The following MTHFD2L variants were observed in gnomAD, a reference collection of about 807,000 sequenced individuals.
MTHFD2L encodes the protein bifunctional methylenetetrahydrofolate dehydrogenase/cyclohydrolase 2, mitochondrial.
MTHFD2L carries 29 observed loss-of-function variants against 34.9 expected under a neutral mutation model. The ratio of observed to expected loss-of-function variants is 0.83; its 90% CI spans 0.62 to 1.13. The LOEUF is 1.13. Among genes scored for constraint, MTHFD2L ranks in the 50% most tolerant of loss-of-function variants. The probability of loss-of-function intolerance (pLI) is 0.00; values close to 1 mark genes in which losing one functional copy is unlikely to be tolerated. For synonymous variants in MTHFD2L, 167 were observed against 155.7 expected (o/e 1.07, Z -0.54); for missense variants, 481 against 446.5 (o/e 1.08, Z -0.70).
intron 3 of MTHFD2L, among the ~76,000 whole-genome samples, chr4:74,198,551 G>A (rs542308270): frequency 9.9e-5 from 15 of 152,156 alleles, no homozygotes; most frequent in East Asian, 7.7e-4. Context: ...AAGCTTCCGC[G>A]TGAGTGGTAG....
intron 6 of MTHFD2L, among the ~76,000 whole-genome samples, chr4:74,256,906 T>G (rs532598999): frequency 1.3e-5 from 2 of 152,332 alleles, no homozygotes; most frequent in South Asian, 4.1e-4. Context: ...GCTTCCAGCT[T>G]TGTTCTTTTT....
intron 3 of MTHFD2L, chr4:74,195,963 T>C (rs1451755552): frequency 6.6e-6 from 1 of 152,206 alleles, no homozygotes; most frequent in Non-Finnish European, 1.5e-5. Flanking sequence ...GGAGGCAGAT[T>C]TGCTCTGAGC....
At chr4:74,284,947 C>T (rs1440246486) in intron 7 of MTHFD2L, among the ~76,000 whole-genome samples, 1 of 152,076 alleles carries the variant, frequency 6.6e-6, no homozygotes. Context: ...ACCCAAATGT[C>T]CATCAATGTT....
chr4:74,246,796 C>T (rs142502413), intron 6 of MTHFD2L, among the ~76,000 whole-genome samples: 3,131 of 152,098 alleles, frequency 0.021, 91 homozygotes, highest in African/African-American at 0.07. Context: ...AGTAGATATG[C>T]GGCATTATTT....
At chr4:74,256,326 G>A (rs1009890481) in intron 6 of MTHFD2L, among the ~76,000 whole-genome samples, 3 of 151,902 alleles carry the variant, frequency 2.0e-5, no homozygotes, top group Non-Finnish European at 4.4e-5. Context: ...GGCCAGGCTG[G>A]TCTTGAACTC....
At chr4:74,230,812 G>A (rs527258999) in intron 6 of MTHFD2L, among the ~76,000 whole-genome samples, 8 of 152,090 alleles carry the variant, frequency 5.3e-5, no homozygotes, top group South Asian at 2.1e-4. Context: ...GGGCTTTCTC[G>A]TATCTGCTTT....
intron 5 of MTHFD2L, among the ~76,000 whole-genome samples, chr4:74,221,803 T>C: frequency 6.6e-6 from 1 of 151,842 alleles, no homozygotes; most frequent in East Asian, 1.9e-4. Flanking sequence ...TTGTTTTTAT[T>C]TTTTACAGTT....
At chr4:74,267,855 A>G (rs1343636270) in intron 6 of MTHFD2L, 1 of 985,184 alleles carries the variant, frequency 1.0e-6, no homozygotes, top group East Asian at 1.1e-4. Context: ...TGAATTTCTG[A>G]ATATAAGAGG....
intron 6 of MTHFD2L, among the ~76,000 whole-genome samples, chr4:74,260,787 A>G (rs932332104): frequency 2.6e-5 from 4 of 152,132 alleles, no homozygotes; most frequent in African/African-American, 9.7e-5. Flanking sequence ...AAATATTAGC[A>G]AATTTAAACC....
intron 6 of MTHFD2L, among the ~76,000 whole-genome samples, chr4:74,251,947 G>C (rs181481605): frequency 6.6e-6 from 1 of 152,198 alleles, no homozygotes. Flanking sequence ...AAATGAGTTC[G>C]GAACACCCTG....
chr4:74,265,221 A>T (rs1311610327), intron 6 of MTHFD2L, among the ~76,000 whole-genome samples: 2 of 152,150 alleles, frequency 1.3e-5, no homozygotes, highest in African/African-American at 2.4e-5. Context: ...TGATTCATTC[A>T]TTTGTTTGTA....
intron 6 of MTHFD2L, among the ~76,000 whole-genome samples, chr4:74,236,372 T>G (rs2045619): frequency 1.8e-4 from 27 of 152,348 alleles, no homozygotes; most frequent in Middle Eastern, 3.4e-3. Context: ...TGCCTAAATT[T>G]TGCTTGAAAC....
intron 6 of MTHFD2L, among the ~76,000 whole-genome samples, chr4:74,273,964 A>G (rs1746305837): frequency 6.6e-6 from 1 of 152,196 alleles, no homozygotes; most frequent in South Asian, 2.1e-4. Context: ...AGAGTTTTCC[A>G]TAGTTCAGAG....
chr4:74,260,257 A>G (rs996851623), intron 6 of MTHFD2L, among the ~76,000 whole-genome samples: 1 of 152,094 alleles, frequency 6.6e-6, no homozygotes, highest in Non-Finnish European at 1.5e-5. Flanking sequence ...TCTTGGTGTT[A>G]GGCAACTTGA....
At chr4:74,161,970 TAAAG>T (rs1725555858) in intron 1 of MTHFD2L, 1 of 152,172 alleles carries the variant, frequency 6.6e-6, no homozygotes, top group African/African-American at 2.4e-5. Flanking sequence ...TATGCTAAAT[TAAAG>T]AAATGATTAG....
At chr4:74,203,541 G>C (rs1410304719) in intron 5 of MTHFD2L, among the ~76,000 whole-genome samples, 1 of 152,152 alleles carries the variant, frequency 6.6e-6, no homozygotes, top group Non-Finnish European at 1.5e-5. Flanking sequence ...AGGCCTTTAC[G>C]AAGGCCTCAG....
chr4:74,255,039 G>A (rs1033528419), intron 6 of MTHFD2L, among the ~76,000 whole-genome samples: 1 of 148,662 alleles, frequency 6.7e-6, no homozygotes, highest in Admixed American at 6.8e-5. Context: ...GGAGGCTGAG[G>A]CAGGAGAATC....
intron 1 of MTHFD2L, chr4:74,159,995 C>T (rs532244982): frequency 4.3e-5 from 51 of 1,181,382 alleles, no homozygotes; most frequent in Admixed American, 6.6e-5. Context: ...TGGTGGGTCT[C>T]GGGTGGGGAG....
intron 7 of MTHFD2L, among the ~76,000 whole-genome samples, chr4:74,291,152 G>A (rs1384722218): frequency 1.3e-5 from 2 of 150,296 alleles, no homozygotes; most frequent in Non-Finnish European, 3.0e-5. Context: ...TGAGTAGCTG[G>A]GACTACAGAC....
Sources: gnomAD v4.1 joint callset for allele counts (sites outside exome capture counted in the v4.1 genomes callset) on GRCh38, gnomAD v4.1.1 for gene constraint, MANE v1.5 for transcripts, NCBI Gene and HGNC (gene_info 2026-07-23, HGNC 2026-07-21) for gene names.